The following TLK2 variants were observed in gnomAD, a reference collection of about 807,000 sequenced individuals.
TLK2 encodes the protein tousled like kinase 2.
In TLK2, 6 loss-of-function variants were observed where a neutral mutation model predicts 117.3. That is an observed-to-expected ratio of 0.05 (90% confidence interval 0.03 to 0.10). The LOEUF (loss-of-function observed/expected upper bound fraction) is 0.10, where lower values mean the gene tolerates loss of function less well. Among genes scored for constraint, TLK2 ranks in the 10% least tolerant of loss-of-function variants. The probability of loss-of-function intolerance (pLI) is 1.00; values close to 1 mark genes in which losing one functional copy is unlikely to be tolerated. For missense variants in TLK2, 299 were observed against 901.2 expected, an observed-to-expected ratio of 0.33 and a Z score of 8.56; for synonymous variants, 257 against 316.7, an observed-to-expected ratio of 0.81 and a Z score of 2.00.
At chr17:62,510,614 T>G (rs553942557) in intron 2 of TLK2, among the ~76,000 whole-genome samples, 10 of 152,362 alleles carry the variant, frequency 6.6e-5, no homozygotes, top group Non-Finnish European at 1.2e-4. Context: ...GCCTTTCTCC[T>G]TGGCTTGCAG....
intron 14 of TLK2, among the ~76,000 whole-genome samples, chr17:62,578,924 G>A (rs2081014400): frequency 6.6e-6 from 1 of 152,186 alleles, no homozygotes; most frequent in East Asian, 1.9e-4. Context: ...ATGGGTCACA[G>A]TGTGGTGTTG....
chr17:62,504,774 A>C (rs2074520744), intron 2 of TLK2, among the ~76,000 whole-genome samples: 1 of 152,150 alleles, frequency 6.6e-6, no homozygotes, highest in Non-Finnish European at 1.5e-5. Flanking sequence ...GCACCACTGC[A>C]CTGAGCCTGG....
intron 2 of TLK2, among the ~76,000 whole-genome samples, chr17:62,496,875 T>G (rs573294907): frequency 2.0e-4 from 30 of 146,552 alleles, no homozygotes; most frequent in Non-Finnish European, 4.3e-4. Context: ...GAGAATGGTG[T>G]GAACCCGGGA....
chr17:62,589,948 A>G (rs867547921), intron 16 of TLK2, among the ~76,000 whole-genome samples: 1 of 151,530 alleles, frequency 6.6e-6, no homozygotes, highest in Non-Finnish European at 1.5e-5. Context: ...CTGGGACTAC[A>G]TGTGCCTGCC....
chr17:62,576,855 G>A, intron 13 of TLK2, 80 bp downstream of exon 13: 1 of 1,121,336 alleles, frequency 8.9e-7, no homozygotes, highest in Non-Finnish European at 1.4e-6. Context: ...GGTCATTTGG[G>A]TGAATGTAAT....
intron 7 of TLK2, among the ~76,000 whole-genome samples, chr17:62,537,903 T>C (rs1374482363): frequency 4.6e-5 from 7 of 152,282 alleles, no homozygotes; most frequent in Admixed American, 2.6e-4. Flanking sequence ...TGAGAGGGAC[T>C]GACAGCAGTA....
At chr17:62,599,536 G>T (rs757013882) in intron 17 of TLK2, among the ~76,000 whole-genome samples, 7 of 152,238 alleles carry the variant, frequency 4.6e-5, no homozygotes, top group Admixed American at 2.0e-4. Context: ...ATGGGAGGGG[G>T]TCTCCACCTC....
chr17:62,572,810 C>A, intron 11 of TLK2: 1 of 153,706 alleles, frequency 6.5e-6, no homozygotes, highest in Non-Finnish European at 1.4e-5. Flanking sequence ...AGCTTTCATC[C>A]AAAGAAAAAT....
At chr17:62,542,400 C>A (rs1031540352) in intron 7 of TLK2, among the ~76,000 whole-genome samples, 7 of 152,186 alleles carry the variant, frequency 4.6e-5, no homozygotes, top group African/African-American at 1.7e-4. Context: ...AGCCACTGTA[C>A]CTGGCCTTAT....
At chr17:62,518,920 C>T (rs1307748690) in intron 2 of TLK2, among the ~76,000 whole-genome samples, 3 of 152,168 alleles carry the variant, frequency 2.0e-5, no homozygotes, top group Non-Finnish European at 4.4e-5. Context: ...CTCTGTCACC[C>T]AGGCTGGAGT....
chr17:62,543,456 C>T (rs550568403), intron 7 of TLK2, among the ~76,000 whole-genome samples: 4 of 152,278 alleles, frequency 2.6e-5, no homozygotes, highest in South Asian at 2.1e-4. Flanking sequence ...TTACATTCCC[C>T]GCAGCAGTAC....
At chr17:62,516,144 C>T (rs190229105) in intron 2 of TLK2, among the ~76,000 whole-genome samples, 1 of 152,152 alleles carries the variant, frequency 6.6e-6, no homozygotes, top group Non-Finnish European at 1.5e-5. Context: ...AGGCTGGTCT[C>T]AAACTCCTGA....
chr17:62,543,005 A>T (rs1327312034), intron 7 of TLK2, among the ~76,000 whole-genome samples: 1 of 152,140 alleles, frequency 6.6e-6, no homozygotes, highest in Admixed American at 6.5e-5. Flanking sequence ...CTTTCTTATC[A>T]TCTGTGCCTG....
intron 17 of TLK2, among the ~76,000 whole-genome samples, chr17:62,599,455 G>C (rs114837493): frequency 1.3e-5 from 2 of 152,304 alleles, no homozygotes; most frequent in East Asian, 3.9e-4. Context: ...GGGTTAGCCC[G>C]TGTAGGCTGT....
chr17:62,531,395 GA>G (rs1229216464), intron 6 of TLK2, among the ~76,000 whole-genome samples: 1 of 152,006 alleles, frequency 6.6e-6, no homozygotes, highest in Non-Finnish European at 1.5e-5. Flanking sequence ...GCCTTTTGAA[GA>G]AAAAGAATTA....
chr17:62,580,494 AT>A (rs2081130478), intron 15 of TLK2, among the ~76,000 whole-genome samples: 1 of 152,180 alleles, frequency 6.6e-6, no homozygotes, highest in African/African-American at 2.4e-5. Flanking sequence ...CCTCATACAT[AT>A]TTGTTAGAAA....
rs1353986675 is a variant in TLK2, at chr17:62,614,287, A to T, written c.*1722A>T. The T allele has an allele frequency of 6.6e-6, 1 of 152,256 alleles. No individual in the cohort carries two copies. Among genetic ancestry groups the T allele is most frequent in the Non-Finnish European group, 1.5e-5 (1 of 68,066 alleles). 9.4% of individuals were successfully genotyped at this position (152,256 alleles called of 1,614,324 possible). A position where few individuals can be genotyped will look rare whatever the true frequency, so the allele number is the denominator to read the frequency against. The stretch of plus-strand genomic sequence containing the variant: ...CCCCACCGTGCCCTTGAAACAGCAG[A>T]GCACTCCTCAGTAGAGAGGGAGGGA... On this transcript the variant is annotated 3_prime_UTR_variant, in exon 22 of 22. Coordinates refer to ENST00000346027, the MANE Select transcript of TLK2 (RefSeq NM_006852.6).
intron 11 of TLK2, among the ~76,000 whole-genome samples, chr17:62,567,803 C>G (rs2146500236): frequency 6.6e-6 from 1 of 152,024 alleles, no homozygotes; most frequent in South Asian, 2.1e-4. Context: ...ACCCTTAGCA[C>G]CATTTTTTTT....
chr17:62,505,703 T>C (rs563012634), intron 2 of TLK2, among the ~76,000 whole-genome samples: 3 of 152,156 alleles, frequency 2.0e-5, no homozygotes, highest in Non-Finnish European at 4.4e-5. Context: ...GGTGGAATGT[T>C]GACTCCTGCA....
Sources: gnomAD v4.1 joint callset for allele counts (sites outside exome capture counted in the v4.1 genomes callset) on GRCh38, gnomAD v4.1.1 for gene constraint, MANE v1.5 for transcripts, NCBI Gene and HGNC (gene_info 2026-07-23, HGNC 2026-07-21) for gene names.